The following CLIP2 variants were observed in gnomAD, a reference collection of about 807,000 sequenced individuals.
CLIP2 encodes the protein CAP-Gly domain-containing linker protein 2.
CLIP2 carries 41 observed loss-of-function variants against 111.7 expected under a neutral mutation model. That is an observed-to-expected ratio of 0.37 (90% CI 0.29 to 0.48). The LOEUF (loss-of-function observed/expected upper bound fraction) is 0.48. Ranked by LOEUF, CLIP2 falls within the 20% of genes least tolerant of loss-of-function variation. The pLI is 0.99. For missense variants in CLIP2, 1,160 were observed against 1,422.1 expected (o/e 0.82, Z 2.96); for synonymous variants, 660 against 644.2 (o/e 1.02, Z -0.37).
intron 11 of CLIP2, among the ~76,000 whole-genome samples, chr7:74,382,209 G>T (rs1790962939): frequency 6.7e-6 from 1 of 150,122 alleles, no homozygotes; most frequent in South Asian, 2.1e-4. Context: ...TCAGCCTCCT[G>T]AGTAGCTGGG....
At chr7:74,310,687 G>A (rs1788619959) in intron 1 of CLIP2, among the ~76,000 whole-genome samples, 1 of 151,874 alleles carries the variant, frequency 6.6e-6, no homozygotes, top group East Asian at 1.9e-4. Context: ...TGGGTGGTTG[G>A]GTTATATGGG....
chr7:74,332,353 CA>C (rs1789312121), intron 2 of CLIP2, among the ~76,000 whole-genome samples: 4 of 151,574 alleles, frequency 2.6e-5, no homozygotes, highest in African/African-American at 9.7e-5. Flanking sequence ...GGATTCCAGG[CA>C]TGAGCCACTG....
Position 74,375,987 on chromosome 7 carries a change from C to T in CLIP2, c.1586C>T (p.Ser529Leu), listed in dbSNP as rs782383869. 12 of 1,610,750 alleles carry T rather than the reference C, an allele frequency of 7.4e-6. No homozygotes were observed. The highest frequency in any genetic ancestry group is 1.7e-4 in the Middle Eastern group (1 of 6,058). Residue 529 changes from serine (S) to leucine (L), a missense_variant, in exon 10 of 17, where the codon TCG (serine) becomes TTG (leucine). Ser to Leu is a moderately radical substitution (Grantham distance 145, BLOSUM62 -2). Around this residue, in one of 5 missense-constraint regions of CLIP2, gnomAD observed 676 missense variants for 777.8 expected, o/e 0.87. Coordinates refer to ENST00000223398, the MANE Select transcript of CLIP2 (RefSeq NM_003388.5). ...IEELQQCLLHSGPPPPDHPDA... is the reference protein window; with the variant it reads ...IEELQQCLLHLGPPPPDHPDA... ...GAGCTCCAGCAGTGCCTGTTGCACT[C>T]GGGTCCCCCACCTCCGGACCACCCA...
intron 3 of CLIP2, among the ~76,000 whole-genome samples, chr7:74,351,055 AAGAAAGAAAG>A (rs1458736529): frequency 4.7e-5 from 4 of 84,726 alleles, no homozygotes; most frequent in Non-Finnish European, 8.4e-5. Context: ...GAAGGAAGAG[AAGAAAGAAAG>A]AGAAAGAAAG....
chr7:74,366,506 G>T (rs1322896916), intron 8 of CLIP2, among the ~76,000 whole-genome samples: 4 of 152,170 alleles, frequency 2.6e-5, no homozygotes, highest in Admixed American at 6.5e-5. Flanking sequence ...AATTTCCTGG[G>T]GCTGCAATAA....
Position 74,360,379 on chromosome 7 carries a change from CT to C in CLIP2, c.1319+102del, listed in dbSNP as rs1357440120. On this transcript the variant is annotated intron_variant, in intron 7 of 16. Coordinates refer to ENST00000223398, the MANE Select transcript of CLIP2 (RefSeq NM_003388.5). ...GCGGACCCAGGTTCCAGTCCTGCCC[CT>C]GTCACTGCCTCTGGCTGTGTCACCC... 4.0e-5 allele frequency: 31 copies of C among 777,310 alleles called. No homozygotes were observed. The African/African-American group carries it at 4.3e-4, about 11-fold the overall frequency. The allele number at this position is 777,310 out of a possible 1,614,324, so 48.2% of individuals were successfully genotyped here. A position where few individuals can be genotyped will look rare whatever the true frequency, so the allele number is the denominator to read the frequency against.
At chr7:74,314,678 A>G (rs1192597745) in intron 1 of CLIP2, among the ~76,000 whole-genome samples, 1 of 152,116 alleles carries the variant, frequency 6.6e-6, no homozygotes, top group African/African-American at 2.4e-5. Flanking sequence ...TTCTCTCCCC[A>G]TTGGACGGTG....
chr7:74,320,195 C>CAAAA (rs34079690), intron 2 of CLIP2, among the ~76,000 whole-genome samples: 14 of 98,978 alleles, frequency 1.4e-4, no homozygotes, highest in East Asian at 3.0e-4. Context: ...GATTCCATCT[C>CAAAA]AAAAAAAAAA....
intron 8 of CLIP2, among the ~76,000 whole-genome samples, chr7:74,371,300 A>T (rs1554311806): frequency 6.7e-6 from 1 of 150,086 alleles, no homozygotes. Flanking sequence ...AGTGGGACCG[A>T]ATGAAGTTGC....
chr7:74,401,438 A>G (rs782121128), intron 15 of CLIP2, 67 bp from the exon 16 acceptor site: 8 of 1,497,248 alleles, frequency 5.3e-6, no homozygotes, highest in Non-Finnish European at 7.4e-6. Context: ...AGACCTCGCC[A>G]TCTAGTGGGA....
intron 3 of CLIP2, among the ~76,000 whole-genome samples, chr7:74,340,216 C>T (rs568899781): frequency 6.6e-6 from 1 of 152,080 alleles, no homozygotes; most frequent in Non-Finnish European, 1.5e-5. Flanking sequence ...GCCAACATGG[C>T]GAAACACCAT....
chr7:74,364,157 C>A, intron 7 of CLIP2, 98 bp from the exon 8 acceptor site: 5 of 1,092,088 alleles, frequency 4.6e-6, no homozygotes, highest in Non-Finnish European at 6.7e-6. Flanking sequence ...GGATTCTGGG[C>A]CATTCTCATG....
chr7:74,364,756 C>A (rs1285343260), intron 8 of CLIP2: 4 of 414,134 alleles, frequency 9.7e-6, no homozygotes, highest in Non-Finnish European at 2.0e-5. Flanking sequence ...GGTATGGTGG[C>A]TCACACCTAT....
intron 1 of CLIP2, among the ~76,000 whole-genome samples, chr7:74,290,673 T>G (rs1787990674): frequency 6.6e-6 from 1 of 152,024 alleles, no homozygotes; most frequent in Non-Finnish European, 1.5e-5. Flanking sequence ...TCTTGCGCGA[T>G]GCCTGAGGGA....
chr7:74,370,737 C>T (rs1366231559), intron 8 of CLIP2, among the ~76,000 whole-genome samples: 2 of 151,976 alleles, frequency 1.3e-5, no homozygotes, highest in Non-Finnish European at 2.9e-5. Flanking sequence ...GCTAGTTCCC[C>T]GGCCTGAAAC....
intron 2 of CLIP2, among the ~76,000 whole-genome samples, chr7:74,321,012 A>G (rs918056250): frequency 9.9e-5 from 15 of 152,072 alleles, no homozygotes; most frequent in Non-Finnish European, 2.2e-4. Flanking sequence ...CCCGATCTAG[A>G]GAGGCCCAAA....
At chr7:74,313,466 A>T (rs1489401827) in intron 1 of CLIP2, among the ~76,000 whole-genome samples, 2 of 151,892 alleles carry the variant, frequency 1.3e-5, no homozygotes, top group Non-Finnish European at 2.9e-5. Flanking sequence ...AGGCTGAGGC[A>T]GGAGAATGGC....
intron 13 of CLIP2, among the ~76,000 whole-genome samples, chr7:74,391,778 C>G (rs782346654): frequency 6.6e-6 from 1 of 151,792 alleles, no homozygotes; most frequent in Non-Finnish European, 1.5e-5. Flanking sequence ...CGAGATTGTG[C>G]CACTGCACTC....
intron 9 of CLIP2, among the ~76,000 whole-genome samples, chr7:74,375,546 CAA>C (rs34885959): frequency 7.8e-4 from 26 of 33,176 alleles, no homozygotes; most frequent in African/African-American, 2.8e-3. Context: ...GAGCGAGACT[CAA>C]AAAAAAAAAA....
Sources: gnomAD v4.1 joint callset for allele counts (sites outside exome capture counted in the v4.1 genomes callset) on GRCh38, gnomAD v4.1.1 for gene constraint, gnomAD v4.1.1 regional missense constraint, MANE v1.5 for transcripts, NCBI Gene and HGNC (gene_info 2026-07-23, HGNC 2026-07-21) for gene names.